Variants in GALNTL6 observed in about 807,000 individuals in gnomAD.
GALNTL6 encodes the protein polypeptide N-acetylgalactosaminyltransferase-like 6.
Under a neutral mutation model 73.7 loss-of-function variants are expected in GALNTL6, and 46 were observed. The ratio of observed to expected loss-of-function variants is 0.62; its 90% confidence interval spans 0.49 to 0.80. The LOEUF (loss-of-function observed/expected upper bound fraction) is 0.80, where lower values mean the gene tolerates loss of function less well. Among genes scored for constraint, GALNTL6 ranks in the 30% least tolerant of loss-of-function variants. The pLI, the probability that GALNTL6 is intolerant of heterozygous loss-of-function variation, is 0.00. For missense variants in GALNTL6, 604 were observed against 755.0 expected (o/e 0.80, Z 2.34); for synonymous variants, 259 against 263.7 (o/e 0.98, Z 0.17).
intron 12 of GALNTL6, among the ~76,000 whole-genome samples, chr4:173,025,323 C>T (rs534300490): frequency 6.6e-6 from 1 of 152,306 alleles, no homozygotes; most frequent in South Asian, 2.1e-4. Flanking sequence ...TATTTGTCCT[C>T]ACCCAGCATC....
chr4:172,852,935 A>G (rs978671103), intron 7 of GALNTL6, among the ~76,000 whole-genome samples: 1 of 152,200 alleles, frequency 6.6e-6, no homozygotes, highest in African/African-American at 2.4e-5. Context: ...TAGAGGAGGG[A>G]GAAAAAATTA....
chr4:172,097,560 C>T (rs1198018431), intron 2 of GALNTL6, among the ~76,000 whole-genome samples: 1 of 152,094 alleles, frequency 6.6e-6, no homozygotes, highest in Admixed American at 6.5e-5. Context: ...TCCTTTCTTC[C>T]TTCCCTAAAG....
chr4:172,736,901 CAATTCCCCTGCA>C (rs1736501866), intron 5 of GALNTL6, among the ~76,000 whole-genome samples: 1 of 152,156 alleles, frequency 6.6e-6, no homozygotes, highest in Non-Finnish European at 1.5e-5. Flanking sequence ...TTATAAAGGA[CAATTCCCCTGCA>C]CATGCTCTCT....
At chr4:172,493,034 G>A (rs1733950821) in intron 5 of GALNTL6, among the ~76,000 whole-genome samples, 1 of 152,074 alleles carries the variant, frequency 6.6e-6, no homozygotes, top group Admixed American at 6.6e-5. Context: ...TTTAATCTTA[G>A]ACTTGCTAGT....
chr4:172,041,920 T>C (rs1298893389), intron 2 of GALNTL6, among the ~76,000 whole-genome samples: 1 of 152,110 alleles, frequency 6.6e-6, no homozygotes, highest in Non-Finnish European at 1.5e-5. Flanking sequence ...TAAAGAGGAC[T>C]GGCAGTTGAC....
intron 5 of GALNTL6, among the ~76,000 whole-genome samples, chr4:172,476,363 G>A (rs1000925708): frequency 6.6e-5 from 10 of 152,062 alleles, no homozygotes; most frequent in Admixed American, 5.9e-4. Flanking sequence ...ACCTCTCAAA[G>A]GCCCCACATC....
At chr4:171,990,612 T>A (rs1310562699) in intron 2 of GALNTL6, among the ~76,000 whole-genome samples, 2 of 152,224 alleles carry the variant, frequency 1.3e-5, no homozygotes, top group East Asian at 3.8e-4. Context: ...AAAAAAACAT[T>A]TTTAAAGTTA....
rs2110799792 is a variant in GALNTL6, at chr4:172,755,335, A to T, written c.554-54026A>T. Among the ~76,000 whole-genome samples the T allele has an allele frequency of 1.3e-5, 2 of 152,234 alleles. 1 individual carries two copies. Among genetic ancestry groups the T allele is most frequent in the South Asian group, 4.1e-4 (2 of 4,824 alleles). On this transcript the variant is annotated intron_variant, in intron 5 of 12. Transcript: ENST00000506823. ...ATTAAACTTCTAAATTGCAAAAAAAAAAAAAAATTCACTTGCCGAATACCA... is the reference window on the plus strand; with the variant it reads ...ATTAAACTTCTAAATTGCAAAAAAATAAAAAAATTCACTTGCCGAATACCA...
At position 172,178,404 on chromosome 4, in the gene GALNTL6, T is replaced by C. The variant is rs150304211; in HGVS notation, c.139-51252T>C. Reference sequence around the variant, plus strand: ...AATCTGCATTAGGCTTTTCTTCTAATGCTGTTCCTCCGCTAGCCCCTCAAC... The same window carrying C: ...AATCTGCATTAGGCTTTTCTTCTAACGCTGTTCCTCCGCTAGCCCCTCAAC... On this transcript the variant is annotated intron_variant, in intron 2 of 12. Transcript: ENST00000506823. Among the ~76,000 whole-genome samples the C allele has an allele frequency of 1.3e-3, 205 of 152,316 alleles. 1 individual carries two copies. Among genetic ancestry groups the C allele is most frequent in the African/African-American group, 4.2e-3 (175 of 41,580 alleles).
chr4:172,439,534 T>G (rs561859113), intron 5 of GALNTL6, among the ~76,000 whole-genome samples: 1 of 152,024 alleles, frequency 6.6e-6, no homozygotes, highest in East Asian at 1.9e-4. Context: ...AAGGCTCAGT[T>G]GTTGATCATC....
chr4:172,304,928 C>T (rs904083216), intron 3 of GALNTL6, among the ~76,000 whole-genome samples: 1 of 152,146 alleles, frequency 6.6e-6, no homozygotes, highest in Non-Finnish European at 1.5e-5. Flanking sequence ...CCAGGTTATA[C>T]AAAGTTCATT....
chr4:172,471,045 C>A (rs950046402), intron 5 of GALNTL6, among the ~76,000 whole-genome samples: 1 of 152,186 alleles, frequency 6.6e-6, no homozygotes. Flanking sequence ...AGCTGGTAAA[C>A]AACTATAGTC....
At chr4:173,001,077 T>C (rs1026941879) in intron 10 of GALNTL6, among the ~76,000 whole-genome samples, 3 of 152,054 alleles carry the variant, frequency 2.0e-5, no homozygotes, top group African/African-American at 7.2e-5. Context: ...CAAGTGAACA[T>C]AAAAGCAGAA....
chr4:172,913,767 T>A (rs888818951), intron 8 of GALNTL6, among the ~76,000 whole-genome samples: 18 of 152,204 alleles, frequency 1.2e-4, no homozygotes, highest in African/African-American at 4.3e-4. Flanking sequence ...TACATTTGAT[T>A]GGTGTACCTT....
chr4:172,264,863 TTTTTCTTG>T (rs910692767), intron 3 of GALNTL6, among the ~76,000 whole-genome samples: 3 of 151,138 alleles, frequency 2.0e-5, no homozygotes, highest in Non-Finnish European at 1.5e-5. Flanking sequence ...TCTTCTTTTT[TTTTTCTTG>T]AAAAGCTGCA....
intron 7 of GALNTL6, among the ~76,000 whole-genome samples, chr4:172,833,471 C>T (rs775568604): frequency 1.3e-5 from 2 of 152,166 alleles, no homozygotes; most frequent in African/African-American, 2.4e-5. Context: ...TAGGTGAAAT[C>T]TGCCTACTTC....
intron 5 of GALNTL6, among the ~76,000 whole-genome samples, chr4:172,606,707 T>C (rs1243147600): frequency 1.6e-5 from 2 of 125,422 alleles, no homozygotes; most frequent in Non-Finnish European, 3.4e-5. Flanking sequence ...ATAGTGTGTA[T>C]ATATATAGTA....
Position 172,305,495 on chromosome 4 carries a change from T to C in GALNTL6, c.248-6119T>C, listed in dbSNP as rs181226212. On this transcript the variant is annotated intron_variant, in intron 3 of 12. Transcript: ENST00000506823. The stretch of plus-strand genomic sequence containing the variant: ...TTTTACATTTGATAATAGTAAATTA[T>C]ATTATAAATTTTAGTGTTGAAATAG... 2.7e-3 allele frequency among the ~76,000 whole-genome samples: 409 copies of C among 152,220 alleles called. 3 individuals carry two copies. The highest frequency in any genetic ancestry group is 9.3e-3 in the African/African-American group (387 of 41,508).
At chr4:172,368,044 T>C (rs1233291457) in intron 5 of GALNTL6, among the ~76,000 whole-genome samples, 3 of 152,156 alleles carry the variant, frequency 2.0e-5, no homozygotes, top group African/African-American at 7.2e-5. Context: ...TATGAAACTT[T>C]AAAAAATACC....
Sources: gnomAD v4.1 joint callset for allele counts (sites outside exome capture counted in the v4.1 genomes callset) on GRCh38, gnomAD v4.1.1 for gene constraint, MANE v1.5 for transcripts, NCBI Gene and HGNC (gene_info 2026-07-23, HGNC 2026-07-21) for gene names.